The following MECOM variants were observed in gnomAD, a reference collection of about 807,000 sequenced individuals.
MECOM encodes MDS1 and EVI1 complex locus, also known as histone-lysine N-methyltransferase MECOM.
Under a neutral mutation model 116.3 loss-of-function variants are expected in MECOM, and 13 were observed. The ratio of observed to expected loss-of-function variants is 0.11; its 90% CI spans 0.07 to 0.18. The LOEUF is 0.18. MECOM is among the 10% of genes least tolerant of loss of function. MECOM has a pLI of 1.00. For synonymous variants in MECOM, 528 were observed against 535.2 expected (o/e 0.99, Z 0.19); for missense variants, 1,299 against 1,509.0 (o/e 0.86, Z 2.31).
At position 169,334,458 on chromosome 3, in the gene MECOM, T is replaced by C. The variant is rs564542265; in HGVS notation, c.375+46729A>G. On this transcript the variant is annotated intron_variant, in intron 2 of 16. Coordinates refer to ENST00000651503, the MANE Select transcript of MECOM (RefSeq NM_004991.4). ...TTCTGATAAATGGATCCTGTTCTCATAGATTTTAATTTGATTGTTCAGGAT... is the reference window on the plus strand; with the variant it reads ...TTCTGATAAATGGATCCTGTTCTCACAGATTTTAATTTGATTGTTCAGGAT... Among the ~76,000 whole-genome samples, 75 of 152,304 alleles carry C rather than the reference T, an allele frequency of 4.9e-4. 2 individuals are homozygous for C. In the South Asian group the frequency reaches 8.1e-3, roughly 16 times the overall value.
At chr3:169,462,547 C>A (rs772967717) in intron 1 of MECOM, among the ~76,000 whole-genome samples, 16 of 152,120 alleles carry the variant, frequency 1.1e-4, no homozygotes, top group Non-Finnish European at 2.1e-4. Context: ...TTCTTGAATT[C>A]ATATGTTAGC....
intron 2 of MECOM, among the ~76,000 whole-genome samples, chr3:169,160,183 G>C (rs1742637505): frequency 6.6e-6 from 1 of 151,960 alleles, no homozygotes; most frequent in South Asian, 2.1e-4. Context: ...TAGAGCCAGA[G>C]AAGAATAACC....
In MECOM at chr3:169,272,371, A is replaced by G. The variant is rs78169008; in HGVS notation, c.375+108816T>C. The stretch of plus-strand genomic sequence containing the variant: ...TCACAGATTCCTGGAGCTACAGAAA[A>G]CCTTAGCAGTCACCTTAGCCCTCTC... On this transcript the variant is annotated intron_variant, in intron 2 of 16. Coordinates refer to ENST00000651503, the MANE Select transcript of MECOM (RefSeq NM_004991.4). Among the ~76,000 whole-genome samples the G allele has an allele frequency of 3.7e-3, 565 of 152,224 alleles. 7 individuals are homozygous for G. The highest frequency in any genetic ancestry group is 0.013 in the African/African-American group (526 of 41,524).
At chr3:169,485,995 G>GTATATA (rs1254284879) in intron 1 of MECOM, among the ~76,000 whole-genome samples, 29 of 65,088 alleles carry the variant, frequency 4.5e-4, no homozygotes, top group African/African-American at 8.5e-4. Context: ...GTATATATAT[G>GTATATA]TATATATATA....
At chr3:169,386,637 C>T (rs1396958043) in intron 1 of MECOM, among the ~76,000 whole-genome samples, 1 of 152,054 alleles carries the variant, frequency 6.6e-6, no homozygotes, top group Non-Finnish European at 1.5e-5. Context: ...GAACTACTTC[C>T]ATGGATTTTA....
chr3:169,250,172 T>C (rs187805934), intron 2 of MECOM, among the ~76,000 whole-genome samples: 8 of 152,286 alleles, frequency 5.3e-5, no homozygotes, highest in Non-Finnish European at 1.0e-4. Flanking sequence ...TCAGCATCAG[T>C]GGTTTTACTT....
chr3:169,442,574 G>A (rs1354400903), intron 1 of MECOM, among the ~76,000 whole-genome samples: 1 of 152,106 alleles, frequency 6.6e-6, no homozygotes, highest in Non-Finnish European at 1.5e-5. Context: ...AGCTTCAGAT[G>A]TTTCATGTCA....
intron 1 of MECOM, among the ~76,000 whole-genome samples, chr3:169,462,110 T>C (rs999426387): frequency 6.6e-6 from 1 of 152,122 alleles, no homozygotes; most frequent in Non-Finnish European, 1.5e-5. Flanking sequence ...TTTAGACACC[T>C]CTGAGCAGAT....
intron 1 of MECOM, among the ~76,000 whole-genome samples, chr3:169,647,210 G>A (rs1183139838): frequency 6.6e-6 from 1 of 152,174 alleles, no homozygotes; most frequent in Non-Finnish European, 1.5e-5. Context: ...TTTGGATCCT[G>A]GCTCTGTACT....
At chr3:169,601,300 C>A (rs1043394258) in intron 1 of MECOM, among the ~76,000 whole-genome samples, 8 of 152,210 alleles carry the variant, frequency 5.3e-5, no homozygotes, top group African/African-American at 1.7e-4. Flanking sequence ...TCATTTCTTT[C>A]AGAACCAGGG....
chr3:169,382,897 T>G (rs920049310), intron 1 of MECOM, among the ~76,000 whole-genome samples: 1 of 144,312 alleles, frequency 6.9e-6, no homozygotes, highest in Non-Finnish European at 1.5e-5. Flanking sequence ...TAAAATGGGT[T>G]GCCTCCAGCT....
intron 2 of MECOM, among the ~76,000 whole-genome samples, chr3:169,345,949 TAAAC>T (rs1160746126): frequency 6.6e-6 from 1 of 152,120 alleles, no homozygotes; most frequent in Non-Finnish European, 1.5e-5. Context: ...TTTTCTCTGA[TAAAC>T]AATAACACAC....
At chr3:169,274,752 C>CA (rs1759383946) in intron 2 of MECOM, among the ~76,000 whole-genome samples, 2 of 152,174 alleles carry the variant, frequency 1.3e-5, no homozygotes, top group Non-Finnish European at 2.9e-5. Context: ...GTTCCTCACT[C>CA]ACGCTAGTGC....
chr3:169,454,886 A>G (rs1418905), intron 1 of MECOM, among the ~76,000 whole-genome samples: 6,464 of 152,266 alleles, frequency 0.042, 354 homozygotes, highest in African/African-American at 0.13. Context: ...CTCCCTGATG[A>G]CTACCAAAGA....
intron 4 of MECOM, among the ~76,000 whole-genome samples, chr3:169,128,465 A>G (rs936418026): frequency 6.6e-6 from 1 of 152,180 alleles, no homozygotes; most frequent in Non-Finnish European, 1.5e-5. Flanking sequence ...TTTCAGGTTC[A>G]CAGAAGTCAA....
chr3:169,134,148 C>A (rs1459085196), intron 3 of MECOM, among the ~76,000 whole-genome samples: 2 of 152,128 alleles, frequency 1.3e-5, no homozygotes, highest in Non-Finnish European at 2.9e-5. Context: ...TCTTTGTAGT[C>A]CACTATTAAT....
chr3:169,183,761 TACACACACACACACACACAC>T lies in MECOM; in HGVS notation c.376-39949_376-39930del, dbSNP rs71166249. Among the ~76,000 whole-genome samples the T allele has an allele frequency of 3.0e-3, 359 of 118,778 alleles. 4 individuals carry two copies. Among genetic ancestry groups the T allele is most frequent in the South Asian group, 8.5e-3 (27 of 3,194 alleles). The allele number at this position is 118,778 out of a possible 152,430, so 77.9% of individuals were successfully genotyped here. A position where few individuals can be genotyped will look rare whatever the true frequency, so the allele number is the denominator to read the frequency against. ...TTAAGGACTGTAGAAGATACATACA[TACACACACACACACACACAC>T]ACACACACACACACACACACACACA... On this transcript the variant is annotated intron_variant, in intron 2 of 16. Coordinates refer to ENST00000651503, the MANE Select transcript of MECOM (RefSeq NM_004991.4).
At chr3:169,361,253 T>A (rs80036901) in intron 2 of MECOM, among the ~76,000 whole-genome samples, 1,617 of 151,928 alleles carry the variant, frequency 0.011, 11 homozygotes, top group East Asian at 0.044. Flanking sequence ...TTAGGGACAC[T>A]TACTAAAGTC....
chr3:169,465,484 TA>T (rs1345924796), intron 1 of MECOM, among the ~76,000 whole-genome samples: 2 of 152,216 alleles, frequency 1.3e-5, no homozygotes, highest in East Asian at 3.8e-4. Flanking sequence ...AGCCATTGAT[TA>T]AATTCCATTT....
Sources: gnomAD v4.1 joint callset for allele counts (sites outside exome capture counted in the v4.1 genomes callset) on GRCh38, gnomAD v4.1.1 for gene constraint, MANE v1.5 for transcripts, NCBI Gene and HGNC (gene_info 2026-07-23, HGNC 2026-07-21) for gene names.